MRRF: variants seen among roughly 807,000 people sequenced by gnomAD.
MRRF encodes ribosome-recycling factor, mitochondrial.
A neutral mutation model predicts 25.1 loss-of-function variants in MRRF; 18 were observed. The observed-to-expected ratio is 0.72, with a 90% CI of 0.50 to 1.06. The LOEUF is 1.06. Ranked by LOEUF, MRRF falls within the 50% of genes least tolerant of loss-of-function variation. The pLI is 0.00. For missense variants in MRRF, 323 were observed against 319.3 expected (o/e 1.01, Z -0.09); for synonymous variants, 113 against 112.1 (o/e 1.01, Z -0.05).
At chr9:122,274,283 A>T (rs4836880) in intron 2 of MRRF, among the ~76,000 whole-genome samples, 10,781 of 152,316 alleles carry the variant, frequency 0.071, 637 homozygotes, top group East Asian at 0.29. Context: ...TGGTATGGGC[A>T]TAAAAACAGA....
At chr9:122,287,688 G>T (rs1276205330) in intron 4 of MRRF, among the ~76,000 whole-genome samples, 1 of 152,168 alleles carries the variant, frequency 6.6e-6, no homozygotes, top group Non-Finnish European at 1.5e-5. Context: ...GGAAGTTGGG[G>T]TATATCTTCA....
intron 6 of MRRF, 139 bp from the exon 7 acceptor site, chr9:122,322,401 C>A: frequency 1.3e-6 from 1 of 762,464 alleles, no homozygotes; most frequent in Non-Finnish European, 2.3e-6. Flanking sequence ...GTTCTTAGTA[C>A]AGTGCCTGAC....
chr9:122,320,085 G>T (rs1407180253), intron 6 of MRRF, among the ~76,000 whole-genome samples: 3 of 151,724 alleles, frequency 2.0e-5, no homozygotes, highest in East Asian at 1.9e-4. Flanking sequence ...ATGTTGCCAG[G>T]CTGGTCTCAA....
Position 122,291,759 on chromosome 9 carries a change from C to T in MRRF, c.470C>T (p.Ala157Val). The stretch of plus-strand genomic sequence containing the variant: ...TGATCTGGTTTTCAGTGTACAGCTG[C>T]AGCTATCAAGGCTATAAGAGAAAGT... The part of the protein sequence containing the change: ...NMASFPECTA[A>V]AIKAIRESGM... Residue 157 changes from alanine (A) to valine (V), a missense_variant, in exon 5 of 7, where the codon GCA (alanine) becomes GTA (valine). Physicochemically the swap from Ala to Val is moderately conservative, Grantham distance 64. Coordinates refer to ENST00000344641, the MANE Select transcript of MRRF (RefSeq NM_138777.5). The T allele has an allele frequency of 2.5e-6, 4 of 1,611,810 alleles. No homozygotes were observed. Among genetic ancestry groups the T allele is most frequent in the Non-Finnish European group, 2.5e-6 (3 of 1,177,838 alleles).
intron 2 of MRRF, among the ~76,000 whole-genome samples, chr9:122,273,195 T>G (rs1182140628): frequency 6.6e-6 from 1 of 152,242 alleles, no homozygotes; most frequent in Non-Finnish European, 1.5e-5. Flanking sequence ...CCCACGCCTA[T>G]AATCCCAGCA....
intron 5 of MRRF, among the ~76,000 whole-genome samples, chr9:122,306,273 C>T (rs1834839334): frequency 6.6e-6 from 1 of 152,336 alleles, no homozygotes; most frequent in Non-Finnish European, 1.5e-5. Flanking sequence ...CCTCCCTCAT[C>T]CCCCTGCACT....
At chr9:122,320,880 C>T (rs996869669) in intron 6 of MRRF, among the ~76,000 whole-genome samples, 1 of 152,212 alleles carries the variant, frequency 6.6e-6, no homozygotes, top group African/African-American at 2.4e-5. Flanking sequence ...GCCCTTAAAG[C>T]CTCCTGCCTA....
At chr9:122,291,862 A>G (rs1161501177) in intron 5 of MRRF, 22 bp downstream of exon 5, 3 of 1,557,624 alleles carry the variant, frequency 1.9e-6, no homozygotes, top group Non-Finnish European at 2.7e-6. Context: ...TGAAATTCAC[A>G]TATTTTGATG....
At position 122,304,404 on chromosome 9, in the gene MRRF, C is replaced by T. The variant is rs182300526; in HGVS notation, c.552-8823C>T. Among the ~76,000 whole-genome samples, 514 of 152,306 alleles carry T rather than the reference C, an allele frequency of 3.4e-3. 9 individuals are homozygous for T. Among genetic ancestry groups the T allele is most frequent in the Non-Finnish European group, 2.7e-3 (187 of 68,034 alleles). On this transcript the variant is annotated intron_variant, in intron 5 of 6. Transcript: ENST00000344641. Reference sequence around the variant, plus strand: ...TTTTTAGGAGTGCATCTTGCTATTGCAGGTCCCAAGTGTGTGGAATGGGGC... The same window carrying T: ...TTTTTAGGAGTGCATCTTGCTATTGTAGGTCCCAAGTGTGTGGAATGGGGC...
chr9:122,301,672 A>G (rs1052054939), intron 5 of MRRF, among the ~76,000 whole-genome samples: 3 of 152,052 alleles, frequency 2.0e-5, no homozygotes, highest in Admixed American at 6.5e-5. Flanking sequence ...ACTATTTTTT[A>G]AGTTGTCATG....
At chr9:122,270,245 TG>T in intron 1 of MRRF, among the ~76,000 whole-genome samples, 1 of 152,322 alleles carries the variant, frequency 6.6e-6, no homozygotes, top group Admixed American at 6.5e-5. Context: ...AGACCTCAGA[TG>T]TAGAATGCGT....
At chr9:122,296,804 G>A (rs554219164) in intron 5 of MRRF, among the ~76,000 whole-genome samples, 9 of 152,188 alleles carry the variant, frequency 5.9e-5, no homozygotes, top group Admixed American at 5.9e-4. Context: ...AATGTCTATG[G>A]GAAAACCACA....
At position 122,293,077 on chromosome 9, in the gene MRRF, A is replaced by T. The variant is rs113051100; in HGVS notation, c.551+1237A>T. Among the ~76,000 whole-genome samples the T allele has an allele frequency of 1.0e-3, 154 of 152,272 alleles. 1 individual carries two copies. The highest frequency in any genetic ancestry group is 3.2e-3 in the African/African-American group (135 of 41,564). ...GCACAGTAAATAAGTACGTAATGGA[A>T]TGTCAAGTGATAGTAAGGACAATGA... On this transcript the variant is annotated intron_variant, in intron 5 of 6. Transcript: ENST00000344641.
intron 2 of MRRF, among the ~76,000 whole-genome samples, chr9:122,272,245 C>A (rs578188574): frequency 6.6e-6 from 1 of 152,264 alleles, no homozygotes; most frequent in Non-Finnish European, 1.5e-5. Context: ...ATGGCAGAAC[C>A]AGAAACTTGA....
At chr9:122,319,369 C>T (rs1835735677) in intron 6 of MRRF, among the ~76,000 whole-genome samples, 1 of 152,046 alleles carries the variant, frequency 6.6e-6, no homozygotes, top group South Asian at 2.1e-4. Context: ...CCAGGATGGT[C>T]TCGATCTCCT....
chr9:122,293,462 A>G (rs559955978), intron 5 of MRRF, among the ~76,000 whole-genome samples: 3 of 152,312 alleles, frequency 2.0e-5, no homozygotes, highest in South Asian at 2.1e-4. Flanking sequence ...ACAAGAATCA[A>G]TCCCAACACG....
chr9:122,283,175 C>T lies in MRRF; in HGVS notation c.341-1994C>T, dbSNP rs141362449. On this transcript the variant is annotated intron_variant, in intron 3 of 6. Transcript: ENST00000344641. ...ATGGCGCGATCTCGGCTCACTGCAACCTCCTTCTCCCGGGTTCAAGCGATT... is the reference window on the plus strand; with the variant it reads ...ATGGCGCGATCTCGGCTCACTGCAATCTCCTTCTCCCGGGTTCAAGCGATT... Among the ~76,000 whole-genome samples, 99 of 150,704 alleles carry T rather than the reference C, an allele frequency of 6.6e-4. No homozygotes were observed. The East Asian group carries it at 0.019, about 29-fold the overall frequency.
At chr9:122,269,594 G>A (rs936595728) in intron 1 of MRRF, among the ~76,000 whole-genome samples, 10 of 152,094 alleles carry the variant, frequency 6.6e-5, no homozygotes, top group Non-Finnish European at 1.3e-4. Context: ...GGGCATGGTG[G>A]CATGTGCCTG....
At chr9:122,271,257 A>G (rs1263483830) in intron 2 of MRRF, among the ~76,000 whole-genome samples, 182 bp downstream of exon 2, 5 of 152,208 alleles carry the variant, frequency 3.3e-5, no homozygotes, top group African/African-American at 1.2e-4. Flanking sequence ...GTTATAACCC[A>G]GTGCCTGTTT....
Sources: allele counts gnomAD v4.1 joint callset (sites outside exome capture counted in the v4.1 genomes callset), GRCh38; gene constraint gnomAD v4.1.1; transcripts MANE v1.5; gene names NCBI Gene and HGNC (gene_info 2026-07-23, HGNC 2026-07-21).